The following LANCL3 variants were observed in gnomAD, a reference collection of about 807,000 sequenced individuals.
LANCL3 encodes LanC like family member 3, also known as lanC-like protein 3.
A neutral mutation model predicts 26.5 loss-of-function variants in LANCL3; 19 were observed. The observed-to-expected ratio is 0.72, with a 90% CI of 0.50 to 1.05. The LOEUF (loss-of-function observed/expected upper bound fraction) is 1.05, where lower values mean the gene tolerates loss of function less well. Among genes scored for constraint, LANCL3 ranks in the 50% least tolerant of loss-of-function variants. LANCL3 has a pLI of 0.00. For synonymous variants in LANCL3, 160 were observed against 166.6 expected, an observed-to-expected ratio of 0.96 and a Z score of 0.30; for missense variants, 318 against 362.7, an observed-to-expected ratio of 0.88 and a Z score of 1.00.
At chrX:37,582,297 C>T (rs782589313) in intron 1 of LANCL3, among the ~76,000 whole-genome samples, 71 of 111,772 alleles carry the variant, frequency 6.4e-4, no homozygotes, top group Non-Finnish European at 1.1e-3. Flanking sequence ...GGTGTATACC[C>T]GGTAATGGGA....
chrX:37,679,236 T>C lies in LANCL3; in HGVS notation c.*3423T>C, dbSNP rs1208452197. On this transcript the variant is annotated 3_prime_UTR_variant, in exon 5 of 5. Transcript: ENST00000378619. The stretch of plus-strand genomic sequence containing the variant: ...TTTACCCACTATATACATAGAAAAA[T>C]CATGCCCAGTTATGACTTCCAATAA... 8.9e-6 allele frequency: 1 copy of C among 111,874 alleles called. No individual in the cohort carries two copies. The highest frequency in any genetic ancestry group is 3.3e-5 in the African/African-American group (1 of 30,764). The allele number at this position is 111,874 out of a possible 1,213,427, so 9.2% of individuals were successfully genotyped here.
At chrX:37,574,134 TC>T (rs781806487) in intron 1 of LANCL3, among the ~76,000 whole-genome samples, 1 of 107,986 alleles carries the variant, frequency 9.3e-6, no homozygotes, top group Admixed American at 9.8e-5. Flanking sequence ...ACCAGTTAGT[TC>T]CAGTGCCAGC....
chrX:37,584,368 G>A lies in LANCL3; in HGVS notation c.573+11925G>A, dbSNP rs1284749972. 1.3e-4 allele frequency among the ~76,000 whole-genome samples: 14 copies of A among 108,626 alleles called. No homozygotes were observed. In the South Asian group the frequency reaches 1.6e-3, roughly 13 times the overall value. The allele number at this position is 108,626 out of a possible 115,157, so 94.3% of individuals were successfully genotyped here. ...AGGGAGGATTCCCTCTTTTTCTATTGATTGGAATAGTTTCAGAAGGAATGG... is the reference window on the plus strand; with the variant it reads ...AGGGAGGATTCCCTCTTTTTCTATTAATTGGAATAGTTTCAGAAGGAATGG... On this transcript the variant is annotated intron_variant, in intron 1 of 4. Transcript: ENST00000378619.
chrX:37,579,794 A>G (rs1356464487), intron 1 of LANCL3, among the ~76,000 whole-genome samples: 1 of 111,359 alleles, frequency 9.0e-6, no homozygotes, highest in African/African-American at 3.3e-5. Context: ...AATTTTTAAA[A>G]CACAATTGCT....
At chrX:37,644,782 A>G (rs1556426506) in intron 1 of LANCL3, among the ~76,000 whole-genome samples, 1 of 112,268 alleles carries the variant, frequency 8.9e-6, no homozygotes, top group Non-Finnish European at 1.9e-5. Flanking sequence ...TCAGTATTTC[A>G]TGTCAGCAGT....
At chrX:37,629,900 T>C (rs1159311063) in intron 1 of LANCL3, among the ~76,000 whole-genome samples, 4 of 111,275 alleles carry the variant, frequency 3.6e-5, no homozygotes, top group East Asian at 5.6e-4. Flanking sequence ...CCAGCTTTGT[T>C]CTTTTGGCTT....
chrX:37,594,955 G>A (rs782503886), intron 1 of LANCL3, among the ~76,000 whole-genome samples: 2 of 111,904 alleles, frequency 1.8e-5, no homozygotes, highest in Non-Finnish European at 3.8e-5. Context: ...GGCAAGTTGT[G>A]CAATAAACCA....
At chrX:37,590,217 G>A in intron 1 of LANCL3, among the ~76,000 whole-genome samples, 1 of 112,285 alleles carries the variant, frequency 8.9e-6, no homozygotes, top group Middle Eastern at 4.6e-3. Context: ...TTGCTCTTAA[G>A]TTCTCGTCTT....
intron 1 of LANCL3, among the ~76,000 whole-genome samples, chrX:37,588,347 A>T (rs1312090741): frequency 3.6e-5 from 4 of 111,285 alleles, no homozygotes; most frequent in African/African-American, 1.3e-4. Context: ...TCTCTTCATG[A>T]TTCAACTTTA....
At chrX:37,590,041 A>G (rs1459419997) in intron 1 of LANCL3, among the ~76,000 whole-genome samples, 7 of 112,866 alleles carry the variant, frequency 6.2e-5, no homozygotes, top group African/African-American at 2.3e-4. Flanking sequence ...TTGCAGTGTT[A>G]TAAGAATTGG....
intron 1 of LANCL3, among the ~76,000 whole-genome samples, chrX:37,648,418 CAG>C (rs1556427758): frequency 8.9e-6 from 1 of 111,940 alleles, no homozygotes; most frequent in African/African-American, 3.2e-5. Context: ...GTGCAGAAAA[CAG>C]AAACTGTACC....
chrX:37,595,792 C>T (rs1458159842), intron 1 of LANCL3, among the ~76,000 whole-genome samples: 13 of 112,121 alleles, frequency 1.2e-4, no homozygotes, highest in Non-Finnish European at 3.8e-5. Context: ...ATGTTTAAAG[C>T]TTGCATTCAC....
chrX:37,594,208 T>TA (rs1924363737), intron 1 of LANCL3, among the ~76,000 whole-genome samples: 1 of 112,054 alleles, frequency 8.9e-6, no homozygotes, highest in Non-Finnish European at 1.9e-5. Context: ...GCAGTGACTC[T>TA]AAGATACTCC....
chrX:37,571,832 G>T lies in LANCL3; in HGVS notation c.-39G>T. On this transcript the variant is annotated 5_prime_UTR_variant, in exon 1 of 5. Transcript: ENST00000378619. The stretch of plus-strand genomic sequence containing the variant: ...GCGGGGCTGCAGGGCACGACTTCAA[G>T]CGGTCCTCAGCTCCGCACTAGGGGG... The T allele has an allele frequency of 1.8e-6, 2 of 1,133,809 alleles. No individual in the cohort carries two copies. The highest frequency in any genetic ancestry group is 2.4e-6 in the Non-Finnish European group (2 of 843,754). The allele number at this position is 1,133,809 out of a possible 1,213,427, so 93.4% of individuals were successfully genotyped here.
At chrX:37,618,248 T>G (rs1925062082) in intron 1 of LANCL3, among the ~76,000 whole-genome samples, 3 of 112,244 alleles carry the variant, frequency 2.7e-5, no homozygotes, top group Non-Finnish European at 5.6e-5. Flanking sequence ...TTTTGTGGTG[T>G]TGCTTTTTGC....
intron 4 of LANCL3, among the ~76,000 whole-genome samples, chrX:37,672,395 T>C (rs1243361397): frequency 8.9e-6 from 1 of 112,264 alleles, no homozygotes; most frequent in Non-Finnish European, 1.9e-5. Flanking sequence ...ACAAAAGTTC[T>C]CTGAAACGGA....
intron 1 of LANCL3, 83 bp downstream of exon 1, chrX:37,572,526 G>A: frequency 1.2e-6 from 1 of 816,859 alleles, no homozygotes; most frequent in Non-Finnish European, 1.8e-6. Flanking sequence ...GGGCAGCACT[G>A]TCCCGAGTTG....
At chrX:37,622,387 C>G (rs1207670690) in intron 1 of LANCL3, among the ~76,000 whole-genome samples, 2 of 94,198 alleles carry the variant, frequency 2.1e-5, no homozygotes, top group Non-Finnish European at 4.0e-5. Flanking sequence ...GACTTACTAT[C>G]AAATACTTTT....
Position 37,611,904 on chromosome X carries a change from CTTTTA to C in LANCL3, c.573+39484_573+39488del, listed in dbSNP as rs1198370027. 8.1e-5 allele frequency among the ~76,000 whole-genome samples: 9 copies of C among 110,949 alleles called. No individual in the cohort carries two copies. In the East Asian group the frequency reaches 1.1e-3, roughly 14 times the overall value. The stretch of plus-strand genomic sequence containing the variant: ...TGCCTGGCAGTTTCTAATAATGTAC[CTTTTA>C]TTTTATTTTATTTTATTTTATTATT... On this transcript the variant is annotated intron_variant, in intron 1 of 4. Coordinates refer to ENST00000378619, the MANE Select transcript of LANCL3 (RefSeq NM_001170331.2).
Sources: gnomAD v4.1 joint callset for allele counts (sites outside exome capture counted in the v4.1 genomes callset) on GRCh38, gnomAD v4.1.1 for gene constraint, MANE v1.5 for transcripts, NCBI Gene and HGNC (gene_info 2026-07-23, HGNC 2026-07-21) for gene names.